Variants in ATP2B1 observed in about 807,000 individuals in gnomAD.
The protein encoded by ATP2B1 is plasma membrane calcium-transporting ATPase 1.
ATP2B1 carries 14 observed loss-of-function variants against 124.2 expected under a neutral mutation model. That is an observed-to-expected ratio of 0.11 (90% CI 0.07 to 0.18). ATP2B1 has a LOEUF of 0.18. Among genes scored for constraint, ATP2B1 ranks in the 10% least tolerant of loss-of-function variants. The probability of loss-of-function intolerance (pLI) is 1.00; values close to 1 mark genes in which losing one functional copy is unlikely to be tolerated. For synonymous variants in ATP2B1, 449 were observed against 492.4 expected, an observed-to-expected ratio of 0.91 and a Z score of 1.17; for missense variants, 763 against 1,466.1, an observed-to-expected ratio of 0.52 and a Z score of 7.83.
At position 89,598,509 on chromosome 12, in the gene ATP2B1, A is replaced by C; in HGVS notation, c.3351+608T>G. 7 of 1,431,844 alleles carry C rather than the reference A, an allele frequency of 4.9e-6. No homozygotes were observed. The Admixed American group carries it at 6.6e-5, about 14-fold the overall frequency. 88.7% of individuals were successfully genotyped at this position (1,431,844 alleles called of 1,614,324 possible). On this transcript the variant is annotated intron_variant, in intron 20 of 20. Coordinates refer to ENST00000428670, the MANE Select transcript of ATP2B1 (RefSeq NM_001366521.1). ...ATGAAAAAGCCTGAACAATGAATTC[A>C]AACATTAAGGAGAAAATGAGAAACG... is the stretch of plus-strand genomic sequence containing the variant.
At chr12:89,592,322 T>G (rs1218806121) in intron 20 of ATP2B1, among the ~76,000 whole-genome samples, 2 of 152,116 alleles carry the variant, frequency 1.3e-5, no homozygotes, top group Non-Finnish European at 2.9e-5. Context: ...TGTTTAGTAA[T>G]AAAGACATCA....
At position 89,630,536 on chromosome 12, in the gene ATP2B1, C is replaced by T; in HGVS notation, c.897G>A (p.Glu299=). Residue 299 remains glutamate, a synonymous_variant, in exon 6 of 21, where the codon GAG becomes GAA. Coordinates refer to ENST00000428670, the MANE Select transcript of ATP2B1 (RefSeq NM_001366521.1). ...TTTCCTTTTTCTTCTCATCTTTCTT[C>T]TCTTCCTCTTCACCTCCAGCTCCAA... ...TLLGAGGEEE[E]KKDEKKKEKK... 6.3e-7 allele frequency: 1 copy of T among 1,583,922 alleles called. No individual in the cohort carries two copies. Among genetic ancestry groups the T allele is most frequent in the Middle Eastern group, 1.7e-4 (1 of 5,936 alleles).
intron 5 of ATP2B1, among the ~76,000 whole-genome samples, chr12:89,632,472 A>G (rs1448162793): frequency 6.6e-6 from 1 of 152,194 alleles, no homozygotes; most frequent in African/African-American, 2.4e-5. Context: ...AGATAGTGAA[A>G]AAGTAGATAA....
At chr12:89,649,724 T>C (rs1884996238) in intron 2 of ATP2B1, among the ~76,000 whole-genome samples, 1 of 152,086 alleles carries the variant, frequency 6.6e-6, no homozygotes, top group Non-Finnish European at 1.5e-5. Context: ...AATAATATGG[T>C]TTGGATGTCT....
At chr12:89,699,949 ATCC>A (rs1891633617) in intron 1 of ATP2B1, among the ~76,000 whole-genome samples, 1 of 151,316 alleles carries the variant, frequency 6.6e-6, no homozygotes, top group South Asian at 2.1e-4. Flanking sequence ...GAATCAAGCG[ATCC>A]TCCTACCTCA....
intron 12 of ATP2B1, among the ~76,000 whole-genome samples, chr12:89,612,766 T>G (rs777692518): frequency 1.3e-5 from 2 of 152,192 alleles, no homozygotes; most frequent in African/African-American, 4.8e-5. Context: ...GATCATTAAG[T>G]CATACTATAG....
intron 1 of ATP2B1, among the ~76,000 whole-genome samples, chr12:89,702,502 T>C (rs1891973164): frequency 6.6e-6 from 1 of 152,224 alleles, no homozygotes; most frequent in Admixed American, 6.5e-5. Context: ...GAGAACTCAC[T>C]CACAGGGTTA....
At position 89,697,064 on chromosome 12, in the gene ATP2B1, C is replaced by CAA. The variant is rs59301153; in HGVS notation, c.-222+11530_-222+11531dup. Among the ~76,000 whole-genome samples the CAA allele has an allele frequency of 4.1e-3, 470 of 114,234 alleles. 5 individuals carry two copies. Among genetic ancestry groups the CAA allele is most frequent in the African/African-American group, 0.015 (451 of 30,708 alleles). The allele number at this position is 114,234 out of a possible 152,430, so 74.9% of individuals were successfully genotyped here. A position where few individuals can be genotyped will look rare whatever the true frequency, so the allele number is the denominator to read the frequency against. On this transcript the variant is annotated intron_variant, in intron 1 of 20. Coordinates refer to ENST00000428670, the MANE Select transcript of ATP2B1 (RefSeq NM_001366521.1). ...TGTTTTCCCGAGATTCTACTTCCTT[C>CAA]AAAAAAAAAAAAAAAAAAAGCAAGA... is the stretch of plus-strand genomic sequence containing the variant.
At chr12:89,698,529 G>A (rs1891442789) in intron 1 of ATP2B1, among the ~76,000 whole-genome samples, 1 of 152,128 alleles carries the variant, frequency 6.6e-6, no homozygotes, top group Non-Finnish European at 1.5e-5. Flanking sequence ...AAAAATTTAG[G>A]GGAATGATTA....
At chr12:89,633,583 A>G (rs1010733197) in intron 5 of ATP2B1, among the ~76,000 whole-genome samples, 1 of 151,658 alleles carries the variant, frequency 6.6e-6, no homozygotes, top group Non-Finnish European at 1.5e-5. Flanking sequence ...TTTTTTTGCA[A>G]TAGGATTTTC....
chr12:89,645,098 T>G (rs1221517460), intron 2 of ATP2B1, among the ~76,000 whole-genome samples: 1 of 152,062 alleles, frequency 6.6e-6, no homozygotes, highest in Non-Finnish European at 1.5e-5. Context: ...ACTTAACTCT[T>G]TGGGGGTCAA....
At chr12:89,688,962 A>G (rs1890255208) in intron 1 of ATP2B1, among the ~76,000 whole-genome samples, 1 of 152,136 alleles carries the variant, frequency 6.6e-6, no homozygotes, top group Admixed American at 6.6e-5. Context: ...ATACACAGGA[A>G]GAAGCCTCAA....
intron 1 of ATP2B1, among the ~76,000 whole-genome samples, chr12:89,661,898 G>C (rs1388059455): frequency 6.6e-6 from 1 of 152,136 alleles, no homozygotes; most frequent in East Asian, 1.9e-4. Flanking sequence ...TACCTCGTGA[G>C]TTTAAAAATC....
chr12:89,646,399 C>A (rs1233018522), intron 2 of ATP2B1, among the ~76,000 whole-genome samples: 2 of 152,066 alleles, frequency 1.3e-5, no homozygotes, highest in Non-Finnish European at 2.9e-5. Context: ...GAGGCTACAG[C>A]GTTGGAGCAC....
chr12:89,703,779 A>G (rs1479967529), intron 1 of ATP2B1, among the ~76,000 whole-genome samples: 1 of 152,176 alleles, frequency 6.6e-6, no homozygotes, highest in Non-Finnish European at 1.5e-5. Flanking sequence ...ATTGTCACAA[A>G]AACCATCGAC....
rs2135832160 is a variant in ATP2B1 at position 89,590,903 on chromosome 12, T to C, written c.*81A>G. ...AAGTCCAAAGACAAGAATACTAGCT[T>C]GTCCATCACAATATGTGAAAAGACC... On this transcript the variant is annotated 3_prime_UTR_variant, in exon 21 of 21. Coordinates refer to ENST00000428670, the MANE Select transcript of ATP2B1 (RefSeq NM_001366521.1). The C allele has an allele frequency of 2.3e-6, 3 of 1,316,770 alleles. No homozygotes were observed. The highest frequency in any genetic ancestry group is 1.5e-5 in the African/African-American group (1 of 67,950). 81.6% of individuals were successfully genotyped at this position (1,316,770 alleles called of 1,614,324 possible).
chr12:89,669,610 G>A (rs1887704264), intron 1 of ATP2B1, among the ~76,000 whole-genome samples: 1 of 152,152 alleles, frequency 6.6e-6, no homozygotes. Context: ...ATTACCATAT[G>A]AACTATCTTA....
chr12:89,677,958 A>ATATATATATGTATG (rs1219273980), intron 1 of ATP2B1, among the ~76,000 whole-genome samples: 2 of 30,212 alleles, frequency 6.6e-5, no homozygotes, highest in African/African-American at 1.2e-4. Flanking sequence ...CAGGAATTAT[A>ATATATATATGTATG]TATATATATA....
intron 5 of ATP2B1, 70 bp from the exon 6 acceptor site, chr12:89,630,715 T>A: frequency 9.4e-6 from 11 of 1,168,278 alleles, no homozygotes; most frequent in Non-Finnish European, 1.2e-5. Context: ...AATTTCAAAC[T>A]TCAGTAATAT....
Sources: allele counts gnomAD v4.1 joint callset (sites outside exome capture counted in the v4.1 genomes callset), GRCh38; gene constraint gnomAD v4.1.1; transcripts MANE v1.5; gene names NCBI Gene and HGNC (gene_info 2026-07-23, HGNC 2026-07-21).